Variants in ARAP2 observed in about 807,000 individuals in gnomAD.
ARAP2 encodes arf-GAP with Rho-GAP domain, ANK repeat and PH domain-containing protein 2.
A neutral mutation model predicts 194.5 loss-of-function variants in ARAP2; 148 were observed. That is an observed-to-expected ratio of 0.76 (90% confidence interval 0.67 to 0.87). The LOEUF (loss-of-function observed/expected upper bound fraction) is 0.87. Ranked by LOEUF, ARAP2 falls within the 40% of genes least tolerant of loss-of-function variation. The pLI, the probability that ARAP2 is intolerant of heterozygous loss-of-function variation, is 0.00. For missense variants in ARAP2, 2,128 were observed against 1,989.7 expected (o/e 1.07, Z -1.32); for synonymous variants, 695 against 683.5 (o/e 1.02, Z -0.26).
chr4:36,161,776 A>C (rs1435661828), intron 11 of ARAP2, among the ~76,000 whole-genome samples: 3 of 140,924 alleles, frequency 2.1e-5, no homozygotes, highest in Non-Finnish European at 4.6e-5. Context: ...AGCAATCATC[A>C]TCAGCATCTG....
At chr4:36,059,996 C>T (rs970971713) in intron 1 of ARAP2, among the ~76,000 whole-genome samples, 8 of 152,060 alleles carry the variant, frequency 5.3e-5, no homozygotes, top group African/African-American at 1.9e-4. Flanking sequence ...AGTCTTGCTG[C>T]AAACAGGAGC....
At chr4:36,054,442 T>A (rs1276483971) in intron 2 of ARAP2, among the ~76,000 whole-genome samples, 1 of 152,166 alleles carries the variant, frequency 6.6e-6, no homozygotes, top group East Asian at 1.9e-4. Context: ...ATACATACAT[T>A]ACTAGTGCTG....
intron 27 of ARAP2, among the ~76,000 whole-genome samples, chr4:36,097,281 G>A (rs1437666418): frequency 2.6e-5 from 4 of 151,530 alleles, no homozygotes; most frequent in African/African-American, 9.7e-5. Flanking sequence ...AAGGATGAGG[G>A]AAGAGCAAAA....
At chr4:36,030,351 T>C (rs751512908) in intron 5 of ARAP2, among the ~76,000 whole-genome samples, 1 of 152,160 alleles carries the variant, frequency 6.6e-6, no homozygotes, top group Non-Finnish European at 1.5e-5. Context: ...GGGAATTTGT[T>C]ATCTCCAAAG....
intron 19 of ARAP2, among the ~76,000 whole-genome samples, chr4:36,140,046 C>T (rs1167888271): frequency 6.6e-6 from 1 of 151,428 alleles, no homozygotes; most frequent in African/African-American, 2.4e-5. Flanking sequence ...ACCTTAGTGT[C>T]TCAGGCCCCC....
intron 2 of ARAP2, among the ~76,000 whole-genome samples, chr4:36,226,140 G>GCCT (rs1347664201): frequency 6.6e-6 from 1 of 150,520 alleles, no homozygotes; most frequent in Non-Finnish European, 1.5e-5. Flanking sequence ...AAGTAATCTG[G>GCCT]CCTAAAAATC....
chr4:36,040,727 G>A (rs944017491), intron 5 of ARAP2, among the ~76,000 whole-genome samples: 2 of 152,112 alleles, frequency 1.3e-5, no homozygotes, highest in African/African-American at 4.8e-5. Context: ...TGCAAAGGAA[G>A]GAGCTTTTGG....
In ARAP2 at chr4:36,083,361, A is replaced by T. The variant is rs1057476680; in HGVS notation, c.4508+7T>A. ...TTTCCTTTCAGCACTTCCCTTTCAA[A>T]CTTTACCTTGTTGGAGGCTTCATTT... On this transcript the variant is annotated splice_region_variant and intron_variant, in intron 29 of 32. Transcript: ENST00000303965. 6.3e-7 allele frequency: 1 copy of T among 1,593,240 alleles called. No homozygotes were observed. Among genetic ancestry groups the T allele is most frequent in the Non-Finnish European group, 8.6e-7 (1 of 1,168,312 alleles).
intron 30 of ARAP2, 44 bp from the exon 31 acceptor site, chr4:36,080,323 T>G: frequency 1.3e-6 from 2 of 1,510,924 alleles, no homozygotes; most frequent in South Asian, 2.3e-5. Context: ...AAAAGACAAT[T>G]GACTGTTCTC....
At chr4:36,208,018 C>A (rs1745934475) in intron 6 of ARAP2, among the ~76,000 whole-genome samples, 1 of 152,194 alleles carries the variant, frequency 6.6e-6, no homozygotes, top group African/African-American at 2.4e-5. Context: ...TCTGCTAAGG[C>A]TATCACAGCA....
intron 8 of ARAP2, among the ~76,000 whole-genome samples, chr4:36,184,253 T>C (rs1366520330): frequency 2.1e-5 from 3 of 141,620 alleles, no homozygotes; most frequent in African/African-American, 8.0e-5. Flanking sequence ...GAAAGTTCCA[T>C]ACAAAACATA....
chr4:36,140,018 A>C (rs1727860951), intron 19 of ARAP2, among the ~76,000 whole-genome samples: 1 of 151,404 alleles, frequency 6.6e-6, no homozygotes, highest in Non-Finnish European at 1.5e-5. Flanking sequence ...TGAACCTATT[A>C]TTTCCACCTC....
At chr4:36,024,782 C>T (rs1400911797) in intron 5 of ARAP2, among the ~76,000 whole-genome samples, 2 of 151,998 alleles carry the variant, frequency 1.3e-5, no homozygotes, top group Non-Finnish European at 2.9e-5. Context: ...GCTAATTTAT[C>T]TCTAAATACT....
At chr4:36,187,268 G>A (rs11096800) in intron 8 of ARAP2, among the ~76,000 whole-genome samples, 183 bp downstream of exon 8, 136,780 of 152,292 alleles carry the variant, frequency 0.9, 61,550 homozygotes, top group East Asian at 1. Flanking sequence ...CATGAAAGAG[G>A]AAACAAATAA....
chr4:36,145,766 T>C (rs11723848), intron 19 of ARAP2, among the ~76,000 whole-genome samples: 97,371 of 151,578 alleles, frequency 0.64, 34,127 homozygotes, highest in South Asian at 0.81. Flanking sequence ...GTGTGATCAT[T>C]CTCCTATTCT....
chr4:36,243,188 G>T (rs1225126922), intron 1 of ARAP2, among the ~76,000 whole-genome samples: 2 of 151,858 alleles, frequency 1.3e-5, no homozygotes, highest in African/African-American at 4.8e-5. Flanking sequence ...AAAGTTCCAT[G>T]GGCCTGTGGG....
At chr4:36,052,836 C>T (rs1477746059) in intron 2 of ARAP2, among the ~76,000 whole-genome samples, 5 of 150,764 alleles carry the variant, frequency 3.3e-5, no homozygotes, top group South Asian at 2.2e-4. Flanking sequence ...GGCGTGGTGG[C>T]GGGTGCCTGT....
rs1157291484 is a variant in ARAP2, at chr4:36,148,508, C to T, written c.2898-1G>A. 6.2e-7 allele frequency: 1 copy of T among 1,607,580 alleles called. No individual in the cohort carries two copies. Among genetic ancestry groups the T allele is most frequent in the Non-Finnish European group, 8.5e-7 (1 of 1,175,198 alleles). On this transcript the variant is annotated splice_acceptor_variant, in intron 16 of 32. Coordinates refer to ENST00000303965, the MANE Select transcript of ARAP2 (RefSeq NM_015230.4). LOFTEE classifies it high-confidence loss of function. The stretch of plus-strand genomic sequence containing the variant: ...GTAGATCTCAAAGATAAAGATGGGC[C>T]TAAAACATGCACAAATAAAAAGATA...
chr4:36,226,518 C>A (rs1051486980), intron 2 of ARAP2, among the ~76,000 whole-genome samples: 7 of 152,080 alleles, frequency 4.6e-5, no homozygotes, highest in Middle Eastern at 6.8e-3. Context: ...AGCCCCCCCC[C>A]ACATAATTTA....
Sources: allele counts gnomAD v4.1 joint callset (sites outside exome capture counted in the v4.1 genomes callset), GRCh38; gene constraint gnomAD v4.1.1; transcripts MANE v1.5; gene names NCBI Gene and HGNC (gene_info 2026-07-23, HGNC 2026-07-21).